Variants in GAS2L3 observed in about 807,000 individuals in gnomAD.
GAS2L3 encodes the protein growth arrest specific 2 like 3.
In GAS2L3, 28 loss-of-function variants were observed where a neutral mutation model predicts 37.0. The observed-to-expected ratio is 0.76, with a 90% CI of 0.56 to 1.04. The LOEUF is 1.04. Among genes scored for constraint, GAS2L3 ranks in the 50% least tolerant of loss-of-function variants. GAS2L3 has a pLI of 0.00. For synonymous variants in GAS2L3, 290 were observed against 296.6 expected, an observed-to-expected ratio of 0.98 and a Z score of 0.23; for missense variants, 793 against 817.6, an observed-to-expected ratio of 0.97 and a Z score of 0.37.
rs1425180762 is a variant in GAS2L3, at chr12:100,624,882, A to G, written c.2077A>G (p.Arg693Gly). 6.4e-7 allele frequency: 1 copy of G among 1,571,038 alleles called. No homozygotes were observed. The highest frequency in any genetic ancestry group is 1.4e-5 in the African/African-American group (1 of 72,846). Residue 693 changes from arginine to glycine, a missense_variant, in exon 10 of 10, where the codon AGA (arginine) becomes GGA (glycine). Physicochemically the swap from Arg to Gly is moderately radical, Grantham distance 125. Coordinates refer to ENST00000547754, the MANE Select transcript of GAS2L3 (RefSeq NM_174942.3). ...YFVMTGSKKP[R>G]K Reference sequence around the variant, plus strand: ...TGTCATGACTGGAAGTAAGAAACCTAGAAAATAAATACATACTCATTATAA... The same window carrying G: ...TGTCATGACTGGAAGTAAGAAACCTGGAAAATAAATACATACTCATTATAA...
chr12:100,600,569 C>T lies in GAS2L3; in HGVS notation c.187+19C>T, dbSNP rs1955975088. Reference sequence around the variant, plus strand: ...TTATTAGGTGAGGCTTGAAACAATACCCAAAATTGTATTATCTTATTCAAT... The same window carrying T: ...TTATTAGGTGAGGCTTGAAACAATATCCAAAATTGTATTATCTTATTCAAT... On this transcript the variant is annotated intron_variant, in intron 4 of 9. Transcript: ENST00000547754. 1.3e-6 allele frequency: 2 copies of T among 1,589,700 alleles called. No homozygotes were observed. Among genetic ancestry groups the T allele is most frequent in the Middle Eastern group, 1.7e-4 (1 of 6,000 alleles).
chr12:100,580,275 G>T, intron 1 of GAS2L3: 2 of 424,360 alleles, frequency 4.7e-6, no homozygotes, highest in African/African-American at 4.0e-5. Context: ...GCTTTTTGGG[G>T]GCTTGTGTTT....
In GAS2L3 at chr12:100,612,104, G is replaced by A; in HGVS notation, c.408G>A (p.Gly136=). 6.2e-7 allele frequency: 1 copy of A among 1,613,202 alleles called. No individual in the cohort carries two copies. The highest frequency in any genetic ancestry group is 8.5e-7 in the Non-Finnish European group (1 of 1,179,302). Residue 136 remains glycine (G), a synonymous_variant, in exon 6 of 10, where the codon GGG becomes GGA. Coordinates refer to ENST00000547754, the MANE Select transcript of GAS2L3 (RefSeq NM_174942.3). ...TCCTTCACTGGTGTAGGGACATTGGGGTTGATGAAACTTACCTCTTTGAAT... is the reference window on the plus strand; with the variant it reads ...TCCTTCACTGGTGTAGGGACATTGGAGTTGATGAAACTTACCTCTTTGAAT... ...ANFLHWCRDI[G]VDETYLFESE... is the part of the protein sequence containing the mutation.
At chr12:100,575,476 A>ATTTTTTTTT (rs58446699) in intron 1 of GAS2L3, among the ~76,000 whole-genome samples, 16 of 88,794 alleles carry the variant, frequency 1.8e-4, no homozygotes, top group East Asian at 7.6e-4. Flanking sequence ...TGTTATCTCT[A>ATTTTTTTTT]TTTTTTTTTT....
chr12:100,579,201 A>G, intron 1 of GAS2L3: 1 of 624,298 alleles, frequency 1.6e-6, no homozygotes, highest in Non-Finnish European at 3.0e-6. Context: ...GTCTTAACAG[A>G]CCATCCCCTT....
Position 100,624,308 on chromosome 12 carries a change from G to C in GAS2L3, c.1503G>C (p.Lys501Asn). ...AHSNSSSKCP[K>N]LPKANIPVRP... Reference sequence around the variant, plus strand: ...CAAATTCATCCTCAAAATGTCCCAAGCTGCCTAAAGCAAATATACCTGTAA... The same window carrying C: ...CAAATTCATCCTCAAAATGTCCCAACCTGCCTAAAGCAAATATACCTGTAA... The change falls in exon 10 of 10, where the codon AAG (lysine) becomes AAC (asparagine). Residue 501 changes from lysine to asparagine, a missense_variant. Physicochemically the swap from Lys to Asn is moderately conservative, Grantham distance 94. Transcript: ENST00000547754. 3 of 1,613,980 alleles carry C rather than the reference G, an allele frequency of 1.9e-6. No individual in the cohort carries two copies. The highest frequency in any genetic ancestry group is 2.5e-6 in the Non-Finnish European group (3 of 1,180,004).
intron 5 of GAS2L3, 42 bp downstream of exon 5, chr12:100,601,795 A>G (rs749694066): frequency 2.0e-6 from 2 of 988,518 alleles, no homozygotes; most frequent in Non-Finnish European, 3.1e-6. Context: ...GTCTTGGTAC[A>G]TATTAATTTA....
intron 8 of GAS2L3, among the ~76,000 whole-genome samples, chr12:100,621,999 C>G (rs796334094): frequency 7.9e-5 from 12 of 151,972 alleles, no homozygotes; most frequent in African/African-American, 1.9e-4. Flanking sequence ...TACTTACTAG[C>G]TGTATGATCT....
At chr12:100,597,143 T>A (rs1053295449) in intron 3 of GAS2L3, among the ~76,000 whole-genome samples, 3 of 151,978 alleles carry the variant, frequency 2.0e-5, no homozygotes, top group African/African-American at 7.2e-5. Flanking sequence ...TACATGATTT[T>A]AAAAAAACCA....
In GAS2L3 at chr12:100,626,402, C is replaced by G. The variant is rs1468766948; in HGVS notation, c.*1512C>G. 1.3e-5 allele frequency: 2 copies of G among 152,210 alleles called. No individual in the cohort carries two copies. Among genetic ancestry groups the G allele is most frequent in the Admixed American group, 1.3e-4 (2 of 15,282 alleles). 9.4% of individuals were successfully genotyped at this position (152,210 alleles called of 1,614,324 possible). A position where few individuals can be genotyped will look rare whatever the true frequency, so the allele number is the denominator to read the frequency against. On this transcript the variant is annotated 3_prime_UTR_variant, in exon 10 of 10. Transcript: ENST00000547754. ...AAGCTAGTTTTTGGAAGAAGTGATG[C>G]TTCTCTTCTTTAAAGAGACAGTCAC...
At chr12:100,574,980 ATTT>A (rs201675962) in intron 1 of GAS2L3, among the ~76,000 whole-genome samples, 1 of 146,752 alleles carries the variant, frequency 6.8e-6, no homozygotes, top group Admixed American at 6.8e-5. Context: ...AGAAGTAGTA[ATTT>A]TTTTTTTTTT....
In GAS2L3 at chr12:100,623,925, C is replaced by A. The variant is rs369889955; in HGVS notation, c.1120C>A (p.Pro374Thr). 9 of 1,613,938 alleles carry A rather than the reference C, an allele frequency of 5.6e-6. No individual in the cohort carries two copies. Among genetic ancestry groups the A allele is most frequent in the Non-Finnish European group, 7.6e-6 (9 of 1,179,998 alleles). ...CTCTATGTCAGTCCGTTCTAAATTGCCAAATTCTCCAGCAGCATCTTCTCA... is the reference window on the plus strand; with the variant it reads ...CTCTATGTCAGTCCGTTCTAAATTGACAAATTCTCCAGCAGCATCTTCTCA... Reference protein sequence around the residue: ...LGSMSVRSKLPNSPAASSHPK... With the variant: ...LGSMSVRSKLTNSPAASSHPK... The change falls in exon 10 of 10, where the codon CCA (proline) becomes ACA (threonine). Residue 374 changes from proline (P) to threonine (T), a missense_variant. By Grantham distance (38) the Pro-to-Thr change is conservative. Coordinates refer to ENST00000547754, the MANE Select transcript of GAS2L3 (RefSeq NM_174942.3).
At position 100,624,885 on chromosome 12, in the gene GAS2L3, AAAT is replaced by A; in HGVS notation, c.2083_2085del (p.Ter695delextTer12). ...CATGACTGGAAGTAAGAAACCTAGA[AAAT>A]AAATACATACTCATTATAAAAAAAG... On this transcript the variant is annotated stop_lost and inframe_deletion, in exon 10 of 10. Coordinates refer to ENST00000547754, the MANE Select transcript of GAS2L3 (RefSeq NM_174942.3). The A allele has an allele frequency of 6.4e-7, 1 of 1,562,552 alleles. No individual in the cohort carries two copies. Among genetic ancestry groups the A allele is most frequent in the Non-Finnish European group, 8.7e-7 (1 of 1,145,446 alleles).
intron 6 of GAS2L3, among the ~76,000 whole-genome samples, chr12:100,613,013 C>T (rs1224524140): frequency 2.0e-5 from 3 of 152,196 alleles, no homozygotes; most frequent in Non-Finnish European, 2.9e-5. Context: ...GCACCCCTAT[C>T]CAGTGTAGAG....
chr12:100,603,608 C>T (rs1000545936), intron 5 of GAS2L3, among the ~76,000 whole-genome samples: 10 of 151,864 alleles, frequency 6.6e-5, no homozygotes, highest in Admixed American at 1.3e-4. Context: ...GGTGTTGTTT[C>T]CTTTACTGTG....
In GAS2L3 at chr12:100,626,042, C is replaced by T. The variant is rs1593195994; in HGVS notation, c.*1152C>T. 6.6e-6 allele frequency: 1 copy of T among 152,240 alleles called. No homozygotes were observed. The highest frequency in any genetic ancestry group is 1.9e-4 in the East Asian group (1 of 5,182). The allele number at this position is 152,240 out of a possible 1,614,324, so 9.4% of individuals were successfully genotyped here. A position where few individuals can be genotyped will look rare whatever the true frequency, so the allele number is the denominator to read the frequency against. On this transcript the variant is annotated 3_prime_UTR_variant, in exon 10 of 10. Coordinates refer to ENST00000547754, the MANE Select transcript of GAS2L3 (RefSeq NM_174942.3). ...TGATCATGTAATGACTGCATAAACT[C>T]CATCAACCTAAGGTGATACTTGTAA...
At chr12:100,587,567 A>G (rs890727153) in intron 1 of GAS2L3, among the ~76,000 whole-genome samples, 1 of 152,242 alleles carries the variant, frequency 6.6e-6, no homozygotes, top group African/African-American at 2.4e-5. Flanking sequence ...CAAAATCGGC[A>G]TACAAGGGGC....
At chr12:100,576,607 TTTAA>T (rs1008741805) in intron 1 of GAS2L3, among the ~76,000 whole-genome samples, 2 of 152,200 alleles carry the variant, frequency 1.3e-5, no homozygotes, top group Non-Finnish European at 2.9e-5. Context: ...TTTCTTGATT[TTTAA>T]TTAGAGTTTA....
intron 1 of GAS2L3, among the ~76,000 whole-genome samples, chr12:100,590,878 C>T (rs1296528460): frequency 6.6e-6 from 1 of 151,424 alleles, no homozygotes; most frequent in African/African-American, 2.4e-5. Context: ...GGGAACTATG[C>T]TATGAGGACA....
Sources: gnomAD v4.1 joint callset for allele counts (sites outside exome capture counted in the v4.1 genomes callset) on GRCh38, gnomAD v4.1.1 for gene constraint, MANE v1.5 for transcripts, NCBI Gene and HGNC (gene_info 2026-07-23, HGNC 2026-07-21) for gene names.